PIK3C2G: variants seen among roughly 807,000 people sequenced by gnomAD.
PIK3C2G encodes phosphatidylinositol-4-phosphate 3-kinase catalytic subunit type 2 gamma.
PIK3C2G carries 168 observed loss-of-function variants against 181.1 expected under a neutral mutation model. That is an observed-to-expected ratio of 0.93 (90% confidence interval 0.82 to 1.05). The LOEUF (loss-of-function observed/expected upper bound fraction) is 1.05, where lower values mean the gene tolerates loss of function less well. Ranked by LOEUF, PIK3C2G falls within the 50% of genes least tolerant of loss-of-function variation. The pLI is 0.00. For missense variants in PIK3C2G, 1,869 were observed against 1,732.8 expected (o/e 1.08, Z -1.40); for synonymous variants, 573 against 592.2 (o/e 0.97, Z 0.47).
intron 18 of PIK3C2G, among the ~76,000 whole-genome samples, chr12:18,428,717 TG>T (rs1251345019): frequency 6.6e-6 from 1 of 152,164 alleles, no homozygotes; most frequent in African/African-American, 2.4e-5. Flanking sequence ...TCTCTTCCAC[TG>T]GAAGAGTGAA....
At chr12:18,531,840 C>T (rs536667487) in intron 24 of PIK3C2G, among the ~76,000 whole-genome samples, 1 of 152,112 alleles carries the variant, frequency 6.6e-6, no homozygotes, top group Non-Finnish European at 1.5e-5. Flanking sequence ...CTATTGCAAA[C>T]AATTCATTTG....
the PIK3C2G span, among the ~76,000 whole-genome samples, chr12:18,661,010 T>C: frequency 6.6e-6 from 1 of 152,036 alleles, no homozygotes; most frequent in African/African-American, 2.4e-5. Context: ...AAAGTACAAC[T>C]GAAGACAAAA....
At chr12:18,697,853 T>C in the PIK3C2G span, among the ~76,000 whole-genome samples, 1 of 150,518 alleles carries the variant, frequency 6.6e-6, no homozygotes. Context: ...ATCCTTGAAG[T>C]TAAACCTTTG....
intron 5 of PIK3C2G, among the ~76,000 whole-genome samples, chr12:18,299,960 T>C (rs941978349): frequency 6.6e-6 from 1 of 152,004 alleles, no homozygotes; most frequent in Non-Finnish European, 1.5e-5. Flanking sequence ...TTTGTGTTGA[T>C]GTTCATTATC....
chr12:18,357,298 GGT>G (rs368517946), intron 11 of PIK3C2G, among the ~76,000 whole-genome samples: 9 of 150,618 alleles, frequency 6.0e-5, no homozygotes, highest in African/African-American at 1.7e-4. Flanking sequence ...AGGAGGTGTG[GGT>G]GTGTGTGTGT....
At chr12:18,293,350 T>C (rs1375498541) in intron 4 of PIK3C2G, among the ~76,000 whole-genome samples, 2 of 152,194 alleles carry the variant, frequency 1.3e-5, no homozygotes, top group Non-Finnish European at 2.9e-5. Context: ...TGACAGAACA[T>C]TGATAAGAAC....
intron 31 of PIK3C2G, among the ~76,000 whole-genome samples, chr12:18,623,380 T>TCTAATCTCTAATCTA (rs1948951021): frequency 6.6e-6 from 1 of 151,876 alleles, no homozygotes; most frequent in East Asian, 1.9e-4. Context: ...CTCTCTAATC[T>TCTAATCTCTAATCTA]GTTCCATTGG....
intron 8 of PIK3C2G, among the ~76,000 whole-genome samples, chr12:18,333,884 C>T (rs1167628978): frequency 6.6e-6 from 1 of 152,108 alleles, no homozygotes; most frequent in Admixed American, 6.6e-5. Context: ...GTCTCCATCA[C>T]AGCTAAATAA....
intron 5 of PIK3C2G, among the ~76,000 whole-genome samples, chr12:18,311,198 A>G (rs1464564472): frequency 6.6e-6 from 1 of 152,056 alleles, no homozygotes; most frequent in Non-Finnish European, 1.5e-5. Flanking sequence ...ATATACACAC[A>G]CATACAGACA....
chr12:18,713,101 A>G, the PIK3C2G span: 1 of 1,336,524 alleles, frequency 7.5e-7, no homozygotes, highest in Non-Finnish European at 1.0e-6. Context: ...AAATGAGTCC[A>G]TAAAACTCTA....
At chr12:18,448,768 A>G (rs1019200071) in intron 18 of PIK3C2G, among the ~76,000 whole-genome samples, 1 of 151,872 alleles carries the variant, frequency 6.6e-6, no homozygotes, top group African/African-American at 2.4e-5. Context: ...ATATTGTTAC[A>G]AATTGAAAAC....
chr12:18,487,630 T>C (rs758937481), intron 18 of PIK3C2G, among the ~76,000 whole-genome samples: 1 of 152,104 alleles, frequency 6.6e-6, no homozygotes, highest in Non-Finnish European at 1.5e-5. Flanking sequence ...CAAACATTTG[T>C]TGTTGCTCCA....
intron 31 of PIK3C2G, among the ~76,000 whole-genome samples, chr12:18,629,386 A>G (rs1304467510): frequency 6.6e-6 from 1 of 152,140 alleles, no homozygotes; most frequent in African/African-American, 2.4e-5. Context: ...TCTTGTGCTC[A>G]TTGCCTAGAT....
the PIK3C2G span, among the ~76,000 whole-genome samples, chr12:18,698,235 C>T: frequency 6.7e-6 from 1 of 149,230 alleles, no homozygotes; most frequent in Non-Finnish European, 1.5e-5. Flanking sequence ...GCTTGCAATA[C>T]ACTTTTCTTC....
chr12:18,375,195 G>A (rs1207041129), intron 13 of PIK3C2G, among the ~76,000 whole-genome samples: 1 of 152,192 alleles, frequency 6.6e-6, no homozygotes, highest in African/African-American at 2.4e-5. Flanking sequence ...TGAGAGACTA[G>A]TTAAATAGTT....
intron 29 of PIK3C2G, among the ~76,000 whole-genome samples, chr12:18,568,384 TTGTGTGTGTGTG>T (rs56936466): frequency 2.7e-5 from 4 of 145,742 alleles, no homozygotes; most frequent in Non-Finnish European, 4.6e-5. Context: ...ACCAACAAAA[TTGTGTGTGTGTG>T]TGTGTGTGTG....
intron 1 of PIK3C2G, among the ~76,000 whole-genome samples, chr12:18,268,154 G>A (rs996698407): frequency 7.2e-5 from 11 of 152,112 alleles, no homozygotes; most frequent in African/African-American, 2.2e-4. Context: ...CAGCCAGTAC[G>A]TGTGGATTTT....
chr12:18,447,191 AT>A (rs1947076216), intron 18 of PIK3C2G, among the ~76,000 whole-genome samples: 1 of 152,218 alleles, frequency 6.6e-6, no homozygotes, highest in Non-Finnish European at 1.5e-5. Context: ...GCCACGTGAT[AT>A]TATGAACCAC....
At chr12:18,590,469 G>A (rs1947020255) in intron 29 of PIK3C2G, among the ~76,000 whole-genome samples, 1 of 151,848 alleles carries the variant, frequency 6.6e-6, no homozygotes, top group Non-Finnish European at 1.5e-5. Flanking sequence ...GAACCCTCCT[G>A]CATACATCGT....
Sources: allele counts gnomAD v4.1 joint callset (sites outside exome capture counted in the v4.1 genomes callset), GRCh38; gene constraint gnomAD v4.1.1; transcripts MANE v1.5; gene names NCBI Gene and HGNC (gene_info 2026-07-23, HGNC 2026-07-21).